USP22: variants seen among roughly 807,000 people sequenced by gnomAD.
The protein encoded by USP22 is ubiquitin specific peptidase 22.
USP22 carries 22 observed loss-of-function variants against 68.1 expected under a neutral mutation model. The ratio of observed to expected loss-of-function variants is 0.32; its 90% CI spans 0.23 to 0.46. The LOEUF (loss-of-function observed/expected upper bound fraction) is 0.46. USP22 is among the 20% of genes least tolerant of loss of function. USP22 has a pLI of 1.00. For missense variants in USP22, 433 were observed against 695.8 expected, an observed-to-expected ratio of 0.62 and a Z score of 4.25; for synonymous variants, 279 against 274.2, an observed-to-expected ratio of 1.02 and a Z score of -0.17.
intron 1 of USP22, among the ~76,000 whole-genome samples, chr17:21,035,334 T>C (rs1972340220): frequency 6.6e-6 from 1 of 152,160 alleles, no homozygotes; most frequent in South Asian, 2.1e-4. Flanking sequence ...CTGGCCAACA[T>C]AAAACAAGAG....
intron 10 of USP22, 35 bp downstream of exon 10, chr17:21,006,861 C>T (rs1328771982): frequency 6.5e-7 from 1 of 1,527,058 alleles, no homozygotes. Flanking sequence ...ATCACAGCCC[C>T]TCAGGACACA....
At chr17:21,015,297 C>G (rs1914096268) in intron 6 of USP22, among the ~76,000 whole-genome samples, 1 of 152,194 alleles carries the variant, frequency 6.6e-6, no homozygotes, top group Non-Finnish European at 1.5e-5. Context: ...CGTCCTGTGT[C>G]CCAGCTCTCT....
chr17:21,033,206 TACTCCATAGCCCTTGC>T (rs1210678872), intron 1 of USP22, among the ~76,000 whole-genome samples: 1 of 152,202 alleles, frequency 6.6e-6, no homozygotes, highest in Non-Finnish European at 1.5e-5. Context: ...TAGAATCTAC[TACTCCATAGCCCTTGC>T]AATGATTTCT....
At chr17:21,007,739 C>T (rs1013439673) in intron 9 of USP22, 131 bp downstream of exon 9, 5 of 1,178,606 alleles carry the variant, frequency 4.2e-6, no homozygotes, top group African/African-American at 1.5e-5. Context: ...TCACACCCTC[C>T]CTTCCTCGGT....
chr17:21,007,773 T>TA (rs771650278), intron 9 of USP22, 97 bp downstream of exon 9: 37 of 1,464,636 alleles, frequency 2.5e-5, no homozygotes, highest in Non-Finnish European at 3.5e-5. Flanking sequence ...GCTGCAATTA[T>TA]AAAAAATGTA....
intron 1 of USP22, 85 bp downstream of exon 1, chr17:21,042,580 G>A (rs1380117032): frequency 4.9e-6 from 6 of 1,225,956 alleles, no homozygotes; most frequent in Non-Finnish European, 6.2e-6. Context: ...GAAGGGAAGA[G>A]GGCAGGAAAA....
chr17:21,037,226 A>C (rs1279079115), intron 1 of USP22, among the ~76,000 whole-genome samples: 1 of 152,218 alleles, frequency 6.6e-6, no homozygotes, highest in Non-Finnish European at 1.5e-5. Context: ...AGGATCAGCA[A>C]ATCTTCCATA....
chr17:21,026,567 G>A (rs1385667518), intron 2 of USP22, among the ~76,000 whole-genome samples: 1 of 151,654 alleles, frequency 6.6e-6, no homozygotes, highest in Non-Finnish European at 1.5e-5. Context: ...CAGGTAATCT[G>A]CCAACCTCAG....
chr17:21,003,149 A>C, intron 12 of USP22, 76 bp from the exon 13 acceptor site: 1 of 1,554,888 alleles, frequency 6.4e-7, no homozygotes, highest in Non-Finnish European at 8.9e-7. Flanking sequence ...CCCTACACAA[A>C]AGCCTACGTG....
In USP22 at chr17:21,019,130, C is replaced by T; in HGVS notation, c.474G>A (p.Leu158=). The change falls in exon 4 of 13, where the codon CTG becomes CTA. Residue 158 remains leucine (L), a synonymous_variant. Coordinates refer to ENST00000261497, the MANE Select transcript of USP22 (RefSeq NM_015276.2). ...WEPTKRELEL[L]KHNPKRRKIT... ...TCTTTCTCCTTTTCGGGTTGTGCTT[C>T]AGCAGTTCAAGCTCCCGTTTGGTTG... 1 of 1,614,232 alleles carries T rather than the reference C, an allele frequency of 6.2e-7. No homozygotes were observed. The highest frequency in any genetic ancestry group is 8.5e-7 in the Non-Finnish European group (1 of 1,180,026).
chr17:21,022,770 G>A (rs1033203906), intron 2 of USP22, among the ~76,000 whole-genome samples: 2 of 146,518 alleles, frequency 1.4e-5, no homozygotes, highest in Non-Finnish European at 3.0e-5. Context: ...CTGCACTCCA[G>A]CCTGGGCAAC....
At chr17:21,016,364 A>G (rs1199531148) in intron 5 of USP22, among the ~76,000 whole-genome samples, 1 of 152,228 alleles carries the variant, frequency 6.6e-6, no homozygotes, top group Non-Finnish European at 1.5e-5. Flanking sequence ...CTTGCCAGCC[A>G]GTCCTCTCCA....
chr17:21,022,538 G>A (rs183554724), intron 2 of USP22, among the ~76,000 whole-genome samples: 1,647 of 152,226 alleles, frequency 0.011, 24 homozygotes, highest in African/African-American at 0.037. Flanking sequence ...GGTGGTTCAC[G>A]CCTGTAATCC....
At chr17:21,005,378 T>TAG (rs1478855710) in intron 10 of USP22, among the ~76,000 whole-genome samples, 2 of 152,230 alleles carry the variant, frequency 1.3e-5, no homozygotes, top group Admixed American at 6.5e-5. Context: ...TTCTACAACC[T>TAG]AGGCAGGTGC....
intron 1 of USP22, among the ~76,000 whole-genome samples, chr17:21,041,115 C>G (rs1201790284): frequency 1.3e-5 from 2 of 151,720 alleles, no homozygotes; most frequent in Admixed American, 1.3e-4. Context: ...GAACTCCTGA[C>G]CTCGTGATCT....
chr17:21,016,148 T>C (rs533377952), intron 5 of USP22, among the ~76,000 whole-genome samples: 3 of 152,312 alleles, frequency 2.0e-5, no homozygotes, highest in East Asian at 3.9e-4. Context: ...AAAAAATGAA[T>C]TATGACTTGC....
rs182493390 is a variant in USP22 at position 21,027,675 on chromosome 17, A to G, written c.304+867T>C. On this transcript the variant is annotated intron_variant, in intron 2 of 12. Transcript: ENST00000261497. ...GAAACAGTTAATGCACGAAGTCAGA[A>G]AACAAAGCCAAGGCCGGGCACAATG... is the stretch of plus-strand genomic sequence containing the variant. Among the ~76,000 whole-genome samples, 17 of 152,348 alleles carry G rather than the reference A, an allele frequency of 1.1e-4. No homozygotes were observed. The East Asian group carries it at 3.3e-3, about 29-fold the overall frequency.
intron 1 of USP22, among the ~76,000 whole-genome samples, chr17:21,040,501 G>C (rs962169857): frequency 6.6e-6 from 1 of 152,078 alleles, no homozygotes; most frequent in Non-Finnish European, 1.5e-5. Flanking sequence ...CCCGACTACA[G>C]TTCAACTTCT....
Position 21,004,254 on chromosome 17 carries a change from C to G in USP22, c.1483G>C (p.Asp495His). The G allele has an allele frequency of 6.2e-7, 1 of 1,614,180 alleles. No homozygotes were observed. Among genetic ancestry groups the G allele is most frequent in the Non-Finnish European group, 8.5e-7 (1 of 1,180,032 alleles). Reference sequence around the variant, plus strand: ...CTGGCCTTGGTGATGATGGCATCGTCACACTTGAACCACTGGTCTTTGTGC... The same window carrying G: ...CTGGCCTTGGTGATGATGGCATCGTGACACTTGAACCACTGGTCTTTGTGC... ...RQHKDQWFKCDDAIITKASIK... is the reference protein window; with the variant it reads ...RQHKDQWFKCHDAIITKASIK... Residue 495 changes from aspartate to histidine, a missense_variant, in exon 12 of 13, where the codon GAC becomes CAC. This residue lies in a region of USP22 where 178 missense variants were observed against 351.5 expected (regional missense o/e 0.51). Transcript: ENST00000261497.
Sources: allele counts gnomAD v4.1 joint callset (sites outside exome capture counted in the v4.1 genomes callset), GRCh38; gene constraint gnomAD v4.1.1; regional missense constraint gnomAD v4.1.1; transcripts MANE v1.5; gene names NCBI Gene and HGNC (gene_info 2026-07-23, HGNC 2026-07-21).